NRG1: variants seen among roughly 807,000 people sequenced by gnomAD.
NRG1 encodes the protein pro-neuregulin-1, membrane-bound isoform.
NRG1 carries 18 observed loss-of-function variants against 63.8 expected under a neutral mutation model. That is an observed-to-expected ratio of 0.28 (90% CI 0.19 to 0.42). NRG1 has a LOEUF of 0.42. Ranked by LOEUF, NRG1 falls within the 10% of genes least tolerant of loss-of-function variation. NRG1 has a pLI of 1.00. For missense variants in NRG1, 762 were observed against 814.7 expected (o/e 0.94, Z 0.79); for synonymous variants, 302 against 301.3 (o/e 1.00, Z -0.02).
At chr8:32,189,048 T>C (rs1842235214) in intron 1 of NRG1, among the ~76,000 whole-genome samples, 1 of 152,174 alleles carries the variant, frequency 6.6e-6, no homozygotes, top group South Asian at 2.1e-4. Flanking sequence ...GGCATCTTGA[T>C]ATTAGCCTGG....
intron 1 of NRG1, among the ~76,000 whole-genome samples, chr8:32,435,421 G>A (rs973812422): frequency 3.2e-4 from 49 of 152,312 alleles, no homozygotes; most frequent in African/African-American, 1.1e-3. Flanking sequence ...TAGAGGCTTT[G>A]TGTAGGGTAA....
chr8:31,842,984 C>T (rs1346581447), intron 1 of NRG1, among the ~76,000 whole-genome samples: 1 of 152,070 alleles, frequency 6.6e-6, no homozygotes, highest in Non-Finnish European at 1.5e-5. Flanking sequence ...TTGTCTGTGT[C>T]TTAAAATAAT....
Position 31,640,418 on chromosome 8 carries a change from C to G in NRG1, c.37+987C>G, listed in dbSNP as rs775984314. ...AACGGGACCGTGCCCTCTTGGCCCA[C>G]CGCCCCGGTGCCCAGCGCCGGCGAG... On this transcript the variant is annotated intron_variant, in intron 1 of 10. Transcript: ENST00000519301. This position sits in a 1 kb window ranked among gnomAD's most constrained non-coding sequence, Gnocchi z 6.3. 155 of 1,491,712 alleles carry G rather than the reference C, an allele frequency of 1.0e-4. No homozygotes were observed. Among genetic ancestry groups the G allele is most frequent in the Non-Finnish European group, 1.2e-4 (132 of 1,119,858 alleles). The allele number at this position is 1,491,712 out of a possible 1,614,324, so 92.4% of individuals were successfully genotyped here.
intron 1 of NRG1, among the ~76,000 whole-genome samples, chr8:31,954,027 T>A (rs755704808): frequency 6.6e-6 from 1 of 152,112 alleles, no homozygotes; most frequent in Non-Finnish European, 1.5e-5. Context: ...TGGACCTTCA[T>A]AAATGGTCAC....
At chr8:31,676,737 A>G (rs1311470867) in intron 1 of NRG1, among the ~76,000 whole-genome samples, 3 of 152,208 alleles carry the variant, frequency 2.0e-5, no homozygotes, top group Non-Finnish European at 4.4e-5. Context: ...TAGCTCTGCC[A>G]TTTGGCAGCT....
chr8:32,618,768 C>T (rs546614965), intron 5 of NRG1, among the ~76,000 whole-genome samples: 3 of 152,008 alleles, frequency 2.0e-5, no homozygotes, highest in African/African-American at 4.8e-5. Context: ...GAAGGTGCTA[C>T]GTAGTCCAAA....
At chr8:32,681,570 T>G (rs10503924) in intron 5 of NRG1, among the ~76,000 whole-genome samples, 2,430 of 152,240 alleles carry the variant, frequency 0.016, 73 homozygotes, top group African/African-American at 0.055. Context: ...GAGAATATAT[T>G]GATAACAGCA....
At chr8:32,068,199 A>G (rs992913479) in intron 1 of NRG1, among the ~76,000 whole-genome samples, 7 of 152,200 alleles carry the variant, frequency 4.6e-5, no homozygotes, top group African/African-American at 1.7e-4. Flanking sequence ...CTACAGTTTT[A>G]TCTTCTGTAA....
At chr8:32,515,639 G>A (rs906935248) in intron 1 of NRG1, among the ~76,000 whole-genome samples, 1 of 152,040 alleles carries the variant, frequency 6.6e-6, no homozygotes, top group African/African-American at 2.4e-5. Context: ...CAAGGACACA[G>A]TATGTTGCCT....
intron 1 of NRG1, among the ~76,000 whole-genome samples, chr8:32,516,832 G>A (rs1829867627): frequency 6.6e-6 from 1 of 152,124 alleles, no homozygotes; most frequent in Admixed American, 6.6e-5. Context: ...AAGAAGGTAA[G>A]AGTGTCAAAT....
chr8:31,771,637 G>A (rs986280836), intron 1 of NRG1, among the ~76,000 whole-genome samples: 3 of 152,050 alleles, frequency 2.0e-5, no homozygotes, highest in Non-Finnish European at 2.9e-5. Flanking sequence ...AGAGTTATAG[G>A]AAAACAGAAA....
intron 1 of NRG1, among the ~76,000 whole-genome samples, chr8:31,668,074 T>C (rs1412779440): frequency 6.6e-6 from 1 of 152,122 alleles, no homozygotes; most frequent in Non-Finnish European, 1.5e-5. Flanking sequence ...GATGGAGCAG[T>C]GAGATTTGTA....
At chr8:31,905,614 A>T (rs1237068022) in intron 1 of NRG1, among the ~76,000 whole-genome samples, 1 of 152,172 alleles carries the variant, frequency 6.6e-6, no homozygotes. Context: ...CTGCATTATA[A>T]ACTCAGTTGG....
At chr8:32,751,845 C>G (rs151247072) in intron 7 of NRG1, among the ~76,000 whole-genome samples, 2 of 151,950 alleles carry the variant, frequency 1.3e-5, no homozygotes, top group Admixed American at 6.5e-5. Flanking sequence ...TGTTTCCAAA[C>G]GCAGCTCAAT....
At chr8:32,611,337 G>A (rs1289122512) in intron 3 of NRG1, among the ~76,000 whole-genome samples, 1 of 151,936 alleles carries the variant, frequency 6.6e-6, no homozygotes, top group Admixed American at 6.6e-5. Context: ...ACTGGTAATA[G>A]GCTTCGCCTT....
intron 1 of NRG1, among the ~76,000 whole-genome samples, chr8:31,923,169 T>A (rs1253019059): frequency 6.6e-6 from 1 of 152,194 alleles, no homozygotes; most frequent in Non-Finnish European, 1.5e-5. Context: ...AAAAACAGTT[T>A]TTTTCTATTT....
intron 1 of NRG1, among the ~76,000 whole-genome samples, chr8:31,704,280 T>C (rs1810907273): frequency 6.6e-6 from 1 of 152,164 alleles, no homozygotes; most frequent in Admixed American, 6.5e-5. Context: ...TTATATTACA[T>C]GCTTCTGGAA....
At chr8:31,768,279 G>A (rs961470055) in intron 1 of NRG1, among the ~76,000 whole-genome samples, 1 of 152,124 alleles carries the variant, frequency 6.6e-6, no homozygotes, top group African/African-American at 2.4e-5. Context: ...TAAGAATTCA[G>A]CTTATTTATA....
At chr8:31,955,836 A>G (rs562652061) in intron 1 of NRG1, among the ~76,000 whole-genome samples, 15 of 151,888 alleles carry the variant, frequency 9.9e-5, no homozygotes, top group Non-Finnish European at 1.5e-4. Flanking sequence ...CAGGAGTTCG[A>G]GACCATCCTG....
Sources: allele counts gnomAD v4.1 joint callset (sites outside exome capture counted in the v4.1 genomes callset), GRCh38; gene constraint gnomAD v4.1.1; non-coding constraint Gnocchi (gnomAD v3.1); transcripts MANE v1.5; gene names NCBI Gene and HGNC (gene_info 2026-07-23, HGNC 2026-07-21).